Variants in RAB28 observed in about 807,000 individuals in gnomAD.
RAB28 encodes the protein RAB28, member RAS oncogene family, also known as ras-related protein Rab-28.
Under a neutral mutation model 31.7 loss-of-function variants are expected in RAB28, and 24 were observed. The ratio of observed to expected loss-of-function variants is 0.76; its 90% CI spans 0.55 to 1.06. The LOEUF is 1.06. Among genes scored for constraint, RAB28 ranks in the 50% least tolerant of loss-of-function variants. RAB28 has a pLI of 0.00. For synonymous variants in RAB28, 100 were observed against 90.4 expected, an observed-to-expected ratio of 1.11 and a Z score of -0.60; for missense variants, 254 against 258.5, an observed-to-expected ratio of 0.98 and a Z score of 0.12.
intron 4 of RAB28, among the ~76,000 whole-genome samples, chr4:13,393,943 T>C (rs1372073179): frequency 6.6e-6 from 1 of 151,690 alleles, no homozygotes; most frequent in Non-Finnish European, 1.5e-5. Context: ...TGACCACCTA[T>C]TATATGTCAA....
chr4:13,462,185 T>C (rs1279066385), intron 3 of RAB28, among the ~76,000 whole-genome samples: 2 of 152,140 alleles, frequency 1.3e-5, no homozygotes, highest in African/African-American at 2.4e-5. Context: ...TATTAATCAA[T>C]TGGCTTGGGG....
rs76038454 is a variant in RAB28, at chr4:13,439,933, A to G, written c.391+20766T>C. 5.8e-4 allele frequency among the ~76,000 whole-genome samples: 88 copies of G among 152,324 alleles called. No homozygotes were observed. The East Asian group carries it at 0.013, about 22-fold the overall frequency. On this transcript the variant is annotated intron_variant, in intron 4 of 6. Transcript: ENST00000330852. The stretch of plus-strand genomic sequence containing the variant: ...ATCCATTTCTCTCTTTAGAAATTAT[A>G]TCAGAATACAAAGTAGCATTATTTA...
At chr4:13,467,134 A>G (rs1301601036) in intron 3 of RAB28, among the ~76,000 whole-genome samples, 1 of 151,946 alleles carries the variant, frequency 6.6e-6, no homozygotes, top group Non-Finnish European at 1.5e-5. Flanking sequence ...ATTATTATGT[A>G]TCATACATTT....
chr4:13,478,166 T>C (rs1434420917), intron 2 of RAB28, among the ~76,000 whole-genome samples: 1 of 151,644 alleles, frequency 6.6e-6, no homozygotes, highest in Non-Finnish European at 1.5e-5. Flanking sequence ...TGCTGTTAAG[T>C]ATTCTGAATG....
chr4:13,472,031 G>A (rs905673528), intron 3 of RAB28, among the ~76,000 whole-genome samples: 16 of 152,190 alleles, frequency 1.1e-4, no homozygotes, highest in Admixed American at 4.6e-4. Flanking sequence ...ATTAATGTCT[G>A]CTTACTGTAG....
intron 3 of RAB28, among the ~76,000 whole-genome samples, chr4:13,467,072 A>T (rs1244785164): frequency 4.1e-4 from 62 of 152,032 alleles, no homozygotes; most frequent in African/African-American, 1.4e-3. Context: ...CTCAGGAGAT[A>T]TAAAGATTTT....
intron 4 of RAB28, among the ~76,000 whole-genome samples, chr4:13,441,861 G>T (rs1158401039): frequency 6.6e-6 from 1 of 152,150 alleles, no homozygotes; most frequent in South Asian, 2.1e-4. Context: ...GCTGTTCTGG[G>T]TTAATGCTAA....
intron 6 of RAB28, among the ~76,000 whole-genome samples, chr4:13,369,420 T>C (rs1728632693): frequency 6.6e-6 from 1 of 151,762 alleles, no homozygotes; most frequent in Non-Finnish European, 1.5e-5. Flanking sequence ...TTAATATTCA[T>C]CTCTAAGTAA....
chr4:13,393,041 C>A (rs1464247384), intron 4 of RAB28, among the ~76,000 whole-genome samples: 3 of 152,106 alleles, frequency 2.0e-5, no homozygotes, highest in Non-Finnish European at 2.9e-5. Context: ...TTTGTCCATG[C>A]ATTTATTTAC....
At chr4:13,419,900 T>C (rs1713020451) in intron 4 of RAB28, among the ~76,000 whole-genome samples, 1 of 146,968 alleles carries the variant, frequency 6.8e-6, no homozygotes, top group African/African-American at 2.5e-5. Context: ...ATAACTAAGA[T>C]CAGAGCAGAA....
chr4:13,394,853 A>C (rs895883462), intron 4 of RAB28, among the ~76,000 whole-genome samples: 7 of 152,178 alleles, frequency 4.6e-5, no homozygotes, highest in African/African-American at 1.7e-4. Flanking sequence ...ACAAGCAGAG[A>C]AACCACTTTA....
chr4:13,392,789 T>C (rs1577167711), intron 4 of RAB28, among the ~76,000 whole-genome samples: 1 of 152,300 alleles, frequency 6.6e-6, no homozygotes, highest in East Asian at 1.9e-4. Flanking sequence ...AGGAAATAAA[T>C]ACGTTAATTA....
chr4:13,462,864 T>C (rs1182182753), intron 3 of RAB28, among the ~76,000 whole-genome samples: 1 of 152,150 alleles, frequency 6.6e-6, no homozygotes, highest in Admixed American at 6.5e-5. Context: ...AGAACTGATA[T>C]CTGAAGAAGA....
intron 1 of RAB28, among the ~76,000 whole-genome samples, chr4:13,479,931 C>CTTA (rs1052666398): frequency 3.3e-5 from 5 of 151,568 alleles, no homozygotes; most frequent in Non-Finnish European, 5.9e-5. Context: ...GGTAGCTGAG[C>CTTA]ACTAAGCTAA....
chr4:13,436,611 A>G (rs995912260), intron 4 of RAB28, among the ~76,000 whole-genome samples: 1 of 152,170 alleles, frequency 6.6e-6, no homozygotes, highest in African/African-American at 2.4e-5. Context: ...CCATAGTAAC[A>G]AAAAATAAAA....
intron 4 of RAB28, among the ~76,000 whole-genome samples, chr4:13,419,792 G>T (rs895949287): frequency 6.6e-6 from 1 of 152,126 alleles, no homozygotes; most frequent in African/African-American, 2.4e-5. Context: ...GCCCACAAGA[G>T]AAAGCAGGAA....
At position 13,377,968 on chromosome 4, in the gene RAB28, T is replaced by C. The variant is rs1322386231; in HGVS notation, c.496-1346A>G. Among the ~76,000 whole-genome samples, 5 of 152,010 alleles carry C rather than the reference T, an allele frequency of 3.3e-5. No homozygotes were observed. The East Asian group carries it at 7.7e-4, about 23-fold the overall frequency. On this transcript the variant is annotated intron_variant, in intron 5 of 6. Transcript: ENST00000330852. ...TTAAAGTGAGGAAGACTGTGAGAGA[T>C]TTGAGGAGGGAATAGCAAGAGCTCA...
At chr4:13,409,688 G>A (rs910080539) in intron 4 of RAB28, among the ~76,000 whole-genome samples, 1 of 152,106 alleles carries the variant, frequency 6.6e-6, no homozygotes, top group Non-Finnish European at 1.5e-5. Context: ...ACCCTCAAAG[G>A]GTCAAAAAGT....
chr4:13,386,792 C>A (rs1023607927), intron 4 of RAB28, among the ~76,000 whole-genome samples: 1 of 152,084 alleles, frequency 6.6e-6, no homozygotes, highest in Non-Finnish European at 1.5e-5. Flanking sequence ...AAAACACTTG[C>A]AAGTGTATGT....
Sources: gnomAD v4.1 joint callset for allele counts (sites outside exome capture counted in the v4.1 genomes callset) on GRCh38, gnomAD v4.1.1 for gene constraint, MANE v1.5 for transcripts, NCBI Gene and HGNC (gene_info 2026-07-23, HGNC 2026-07-21) for gene names.